Variants in ALX4 observed in about 807,000 individuals in gnomAD.
ALX4 encodes the protein homeobox protein aristaless-like 4.
Under a neutral mutation model 40.6 loss-of-function variants are expected in ALX4, and 22 were observed. That is an observed-to-expected ratio of 0.54 (90% confidence interval 0.39 to 0.77). The LOEUF (loss-of-function observed/expected upper bound fraction) is 0.77, where lower values mean the gene tolerates loss of function less well. ALX4 is among the 30% of genes least tolerant of loss of function. ALX4 has a pLI of 0.00. For missense variants in ALX4, 556 were observed against 564.8 expected (o/e 0.98, Z 0.16); for synonymous variants, 266 against 240.5 (o/e 1.11, Z -0.98).
chr11:44,272,515 GGC>G (rs1483606455), intron 2 of ALX4, among the ~76,000 whole-genome samples: 1 of 141,142 alleles, frequency 7.1e-6, no homozygotes, highest in Non-Finnish European at 1.5e-5. Context: ...AAAAAAAAAA[GGC>G]AGTCTGGGCT....
intron 1 of ALX4, among the ~76,000 whole-genome samples, chr11:44,298,528 C>T (rs955758455): frequency 6.6e-6 from 1 of 152,042 alleles, no homozygotes; most frequent in Non-Finnish European, 1.5e-5. Flanking sequence ...GGGGTGCCAG[C>T]GGGCAGGACA....
At chr11:44,281,859 G>A (rs1956312376) in intron 1 of ALX4, among the ~76,000 whole-genome samples, 1 of 152,324 alleles carries the variant, frequency 6.6e-6, no homozygotes, top group East Asian at 1.9e-4. Flanking sequence ...ACGGGGCACA[G>A]CTGTTTGCAG....
intron 2 of ALX4, among the ~76,000 whole-genome samples, chr11:44,270,872 G>GGGGCCAGGGCGGGGT (rs1956242536): frequency 6.6e-6 from 1 of 152,214 alleles, no homozygotes; most frequent in South Asian, 2.1e-4. Context: ...CAGCCCATCT[G>GGGGCCAGGGCGGGGT]GGGCCAGGGC....
Position 44,264,901 on chromosome 11 carries a change from G to A in ALX4, c.1189C>T (p.Arg397Cys), listed in dbSNP as rs766809146. The A allele has an allele frequency of 4.3e-6, 7 of 1,612,932 alleles. No individual in the cohort carries two copies. The highest frequency in any genetic ancestry group is 1.7e-5 in the Admixed American group (1 of 60,002). ...DRKTSSIAALRMKAKEHSAAI... is the reference protein window; with the variant it reads ...DRKTSSIAALCMKAKEHSAAI... ...GCACTGTGCTCCTTGGCCTTCATGC[G>A]GAGGGCCGCGATGCTCGAGGTCTTG... Residue 397 changes from arginine to cysteine, a missense_variant, in exon 4 of 4, where the codon CGC becomes TGC. Transcript: ENST00000652299.
chr11:44,287,435 C>T (rs1956345306), intron 1 of ALX4, among the ~76,000 whole-genome samples: 1 of 151,780 alleles, frequency 6.6e-6, no homozygotes, highest in African/African-American at 2.4e-5. Context: ...GAAACTGAGG[C>T]CAGAGGGGGT....
chr11:44,264,831 G>A lies in ALX4; in HGVS notation c.*23C>T, dbSNP rs755790488. The A allele has an allele frequency of 9.9e-6, 16 of 1,609,630 alleles. No individual in the cohort carries two copies. The African/African-American group carries it at 2.1e-4, about 21-fold the overall frequency. On this transcript the variant is annotated 3_prime_UTR_variant, in exon 4 of 4. Transcript: ENST00000652299. The stretch of plus-strand genomic sequence containing the variant: ...GGCGTGGCCCATGGTGTCCCGAGGT[G>A]GGGACGGGGCAGGGGTGCCCTGTCA...
chr11:44,269,695 C>T (rs1240005618), intron 2 of ALX4, among the ~76,000 whole-genome samples: 1 of 152,234 alleles, frequency 6.6e-6, no homozygotes, highest in Non-Finnish European at 1.5e-5. Context: ...CAGGCCCTGG[C>T]TGCCCACTGG....
chr11:44,306,905 C>A (rs1956471908), intron 1 of ALX4, among the ~76,000 whole-genome samples: 1 of 152,200 alleles, frequency 6.6e-6, no homozygotes, highest in African/African-American at 2.4e-5. Context: ...GACCAGACAT[C>A]TCCTGGCTGG....
At chr11:44,273,210 A>T (rs868631452) in intron 2 of ALX4, among the ~76,000 whole-genome samples, 18 of 143,356 alleles carry the variant, frequency 1.3e-4, no homozygotes, top group African/African-American at 4.6e-4. Context: ...AAAAAAAAAA[A>T]GATTTCTCTT....
chr11:44,269,981 G>A (rs1956235921), intron 2 of ALX4, among the ~76,000 whole-genome samples: 1 of 152,144 alleles, frequency 6.6e-6, no homozygotes, highest in African/African-American at 2.4e-5. Context: ...GTGACTGTTG[G>A]GGTTCTCCTT....
At chr11:44,271,843 C>T (rs1400353696) in intron 2 of ALX4, among the ~76,000 whole-genome samples, 1 of 152,198 alleles carries the variant, frequency 6.6e-6, no homozygotes, top group Non-Finnish European at 1.5e-5. Flanking sequence ...GTGAATTCTA[C>T]TCCCGGGCAC....
rs773173346 is a variant in ALX4, at chr11:44,309,943, G to A, written c.120C>T (p.Gly40=). ...GSSPFRAFPG[G]DKFGTTFLSA... The stretch of plus-strand genomic sequence containing the variant: ...ACAGGAAAGTTGTGCCGAACTTGTC[G>A]CCTCCGGGAAATGCCCTAAAAGGCG... Residue 40 remains glycine (G), a synonymous_variant, in exon 1 of 4, where the codon GGC becomes GGT. Coordinates refer to ENST00000652299, the MANE Select transcript of ALX4 (RefSeq NM_021926.4). 18 of 1,593,576 alleles carry A rather than the reference G, an allele frequency of 1.1e-5. No homozygotes were observed. The highest frequency in any genetic ancestry group is 1.5e-5 in the Non-Finnish European group (17 of 1,169,710).
At chr11:44,267,085 G>A (rs1008809073) in intron 3 of ALX4, among the ~76,000 whole-genome samples, 7 of 152,108 alleles carry the variant, frequency 4.6e-5, no homozygotes, top group Non-Finnish European at 8.8e-5. Context: ...CTAAGTCCCC[G>A]GACTCAGAAT....
intron 1 of ALX4, among the ~76,000 whole-genome samples, chr11:44,301,617 G>A (rs905606323): frequency 1.3e-5 from 2 of 152,226 alleles, no homozygotes; most frequent in Non-Finnish European, 2.9e-5. Flanking sequence ...TTGATGCACA[G>A]AGAGAGTGCA....
chr11:44,301,737 C>T (rs117876852), intron 1 of ALX4, among the ~76,000 whole-genome samples: 2 of 152,310 alleles, frequency 1.3e-5, no homozygotes, highest in East Asian at 1.9e-4. Flanking sequence ...GAGGAGAACT[C>T]GGTGGGTTCC....
chr11:44,285,388 C>T (rs903231226), intron 1 of ALX4, among the ~76,000 whole-genome samples: 2 of 152,214 alleles, frequency 1.3e-5, no homozygotes, highest in Admixed American at 1.3e-4. Context: ...TTAATCCATC[C>T]TTTTCTGTTG....
At chr11:44,307,856 G>A (rs543146044) in intron 1 of ALX4, among the ~76,000 whole-genome samples, 1 of 152,092 alleles carries the variant, frequency 6.6e-6, no homozygotes, top group East Asian at 1.9e-4. Context: ...GTCCATGTGT[G>A]GAGCTGTGTG....
rs138360255 is a variant in ALX4 at position 44,278,806 on chromosome 11, A to G, written c.467-3148T>C. ...CCTCCTCCCTTGCTCACCAGCAGCCAGGACTGTCCCTGAGGACCTGGGGAG... is the reference window on the plus strand; with the variant it reads ...CCTCCTCCCTTGCTCACCAGCAGCCGGGACTGTCCCTGAGGACCTGGGGAG... On this transcript the variant is annotated intron_variant, in intron 1 of 3. Transcript: ENST00000652299. 8.1e-3 allele frequency among the ~76,000 whole-genome samples: 1,239 copies of G among 152,328 alleles called. 8 individuals carry two copies. The highest frequency in any genetic ancestry group is 0.014 in the Non-Finnish European group (985 of 68,022).
intron 1 of ALX4, among the ~76,000 whole-genome samples, chr11:44,279,559 G>A (rs1036501365): frequency 2.0e-5 from 3 of 151,568 alleles, no homozygotes; most frequent in Non-Finnish European, 4.4e-5. Flanking sequence ...GACGGCTGCT[G>A]AAAATAGAAG....
Sources: gnomAD v4.1 joint callset for allele counts (sites outside exome capture counted in the v4.1 genomes callset) on GRCh38, gnomAD v4.1.1 for gene constraint, MANE v1.5 for transcripts, NCBI Gene and HGNC (gene_info 2026-07-23, HGNC 2026-07-21) for gene names.